The following CD226 variants were observed in gnomAD, a reference collection of about 807,000 sequenced individuals.
CD226 encodes the protein CD226 antigen.
In CD226, 24 loss-of-function variants were observed where a neutral mutation model predicts 34.9. That is an observed-to-expected ratio of 0.69 (90% CI 0.50 to 0.97). The LOEUF is 0.97. Ranked by LOEUF, CD226 falls within the 50% of genes least tolerant of loss-of-function variation. The probability of loss-of-function intolerance (pLI) is 0.00; values close to 1 mark genes in which losing one functional copy is unlikely to be tolerated. For synonymous variants in CD226, 148 were observed against 147.4 expected (o/e 1.00, Z -0.03); for missense variants, 397 against 412.7 (o/e 0.96, Z 0.33).
chr18:69,866,282 T>A (rs1042127436), intron 5 of CD226, among the ~76,000 whole-genome samples: 1 of 152,174 alleles, frequency 6.6e-6, no homozygotes. Context: ...CCATAGCAAC[T>A]TTTTTTGTGA....
At chr18:69,959,133 A>G (rs2055917945), upstream of CD226, among the ~76,000 whole-genome samples, 2 of 152,210 alleles carry the variant, frequency 1.3e-5, no homozygotes, top group Admixed American at 6.5e-5. Flanking sequence ...CTCAGCAAAC[A>G]GGGGAAATGT....
intron 2 of CD226, among the ~76,000 whole-genome samples, chr18:69,903,916 C>G (rs953216585): frequency 1.3e-5 from 2 of 152,136 alleles, no homozygotes; most frequent in Non-Finnish European, 2.9e-5. Context: ...TAAGGACCAT[C>G]AGGACGACAT....
At chr18:69,912,367 A>G (rs1334182304) in intron 2 of CD226, among the ~76,000 whole-genome samples, 1 of 152,214 alleles carries the variant, frequency 6.6e-6, no homozygotes. Context: ...AACCCAGGAG[A>G]CATCAAAATC....
At chr18:69,908,918 C>T (rs904547659) in intron 2 of CD226, among the ~76,000 whole-genome samples, 2 of 152,228 alleles carry the variant, frequency 1.3e-5, no homozygotes, top group Admixed American at 1.3e-4. Flanking sequence ...TCCAAGAACA[C>T]TGCTATTTAT....
In CD226 at chr18:69,857,411, T is replaced by G. The variant is rs951938384; in HGVS notation, c.*6903A>C. On this transcript the variant is annotated 3_prime_UTR_variant, in exon 6 of 6. Transcript: ENST00000582621. ...CAAAGCTGTTACTCAGAAAACTTAGTATCACTGAGAGTATATTGGAGAGCT... is the reference window on the plus strand; with the variant it reads ...CAAAGCTGTTACTCAGAAAACTTAGGATCACTGAGAGTATATTGGAGAGCT... 6.6e-5 allele frequency: 10 copies of G among 152,224 alleles called. No individual in the cohort carries two copies. Among genetic ancestry groups the G allele is most frequent in the Admixed American group, 1.3e-4 (2 of 15,284 alleles). The allele number at this position is 152,224 out of a possible 1,614,324, so 9.4% of individuals were successfully genotyped here. A position where few individuals can be genotyped will look rare whatever the true frequency, so the allele number is the denominator to read the frequency against.
chr18:69,913,297 G>A (rs1260460759), intron 2 of CD226, among the ~76,000 whole-genome samples: 1 of 152,120 alleles, frequency 6.6e-6, no homozygotes, highest in African/African-American at 2.4e-5. Context: ...GATCGCCAGA[G>A]CTCTGAAAAC....
At chr18:69,950,065 C>T (rs1366797462), upstream of CD226, among the ~76,000 whole-genome samples, 2 of 151,994 alleles carry the variant, frequency 1.3e-5, no homozygotes, top group African/African-American at 4.8e-5. Flanking sequence ...TATACATGCA[C>T]TCACACACAT....
rs2145169992 is a variant in CD226 at position 69,863,873 on chromosome 18, A to G, written c.*441T>C. ...GAAGCAAACTCTCTACCAGACAGAA[A>G]CAAGGATGTATGAATTGCCAAGAGT... is the stretch of plus-strand genomic sequence containing the variant. On this transcript the variant is annotated 3_prime_UTR_variant, in exon 6 of 6. Transcript: ENST00000582621. 2.0e-5 allele frequency: 3 copies of G among 153,658 alleles called. No individual in the cohort carries two copies. In the South Asian group the frequency reaches 6.2e-4, roughly 32 times the overall value. 9.5% of individuals were successfully genotyped at this position (153,658 alleles called of 1,614,324 possible).
At chr18:69,869,887 GC>G (rs1720335769) in intron 4 of CD226, among the ~76,000 whole-genome samples, 1 of 141,462 alleles carries the variant, frequency 7.1e-6, no homozygotes, top group Middle Eastern at 3.7e-3. Context: ...TGCAACCTCC[GC>G]CTCCCGGGTT....
chr18:69,906,266 C>T (rs1024498426), intron 2 of CD226, among the ~76,000 whole-genome samples: 9 of 152,096 alleles, frequency 5.9e-5, no homozygotes, highest in African/African-American at 1.9e-4. Context: ...CATATTTTGA[C>T]TTCCATTGAA....
At chr18:69,902,666 T>A (rs1400671221) in intron 2 of CD226, among the ~76,000 whole-genome samples, 2 of 151,766 alleles carry the variant, frequency 1.3e-5, no homozygotes, top group African/African-American at 4.8e-5. Flanking sequence ...AACCATCTCT[T>A]AGGTGCAGAT....
chr18:69,912,505 A>G (rs372796068), intron 2 of CD226, among the ~76,000 whole-genome samples: 2 of 152,174 alleles, frequency 1.3e-5, no homozygotes, highest in South Asian at 4.1e-4. Flanking sequence ...AGCTCTGTAC[A>G]TTTTGAGATT....
upstream of CD226, among the ~76,000 whole-genome samples, chr18:69,949,958 A>G (rs1024411573): frequency 6.6e-6 from 1 of 151,766 alleles, no homozygotes; most frequent in Non-Finnish European, 1.5e-5. Context: ...GCACTTACAC[A>G]TGCTCTCACA....
intron 2 of CD226, among the ~76,000 whole-genome samples, chr18:69,899,630 C>T (rs556574636): frequency 2.6e-5 from 4 of 152,294 alleles, no homozygotes; most frequent in African/African-American, 9.6e-5. Context: ...CACAAACAGA[C>T]ACTTCTCAAA....
rs768831282 is a variant in CD226, at chr18:69,895,957, C to G, written c.471G>C (p.Thr157=). ...NVTLTCQPQM[T]WPVQAVRWEK... is the part of the protein sequence containing the mutation. ...CCCACCTCACTGCCTGCACAGGCCA[C>G]GTCATCTGAGGCTGACAAGTGAGTG... Residue 157 remains threonine (T), a synonymous_variant, in exon 3 of 6, where the codon ACG becomes ACC. Transcript: ENST00000582621. 3 of 1,613,970 alleles carry G rather than the reference C, an allele frequency of 1.9e-6. No individual in the cohort carries two copies. Among genetic ancestry groups the G allele is most frequent in the African/African-American group, 1.3e-5 (1 of 75,052 alleles).
At chr18:69,930,486 C>T (rs945100177) in intron 2 of CD226, among the ~76,000 whole-genome samples, 5 of 151,162 alleles carry the variant, frequency 3.3e-5, no homozygotes, top group Non-Finnish European at 7.4e-5. Context: ...GACATAGGGA[C>T]GTGGAAGCCA....
At chr18:69,913,594 G>A (rs574642221) in intron 2 of CD226, among the ~76,000 whole-genome samples, 3 of 152,278 alleles carry the variant, frequency 2.0e-5, no homozygotes, top group South Asian at 2.1e-4. Flanking sequence ...CTCAGTAAAC[G>A]TATGCCATAC....
chr18:69,888,619 A>C (rs1254089899), intron 3 of CD226, among the ~76,000 whole-genome samples: 1 of 152,090 alleles, frequency 6.6e-6, no homozygotes, highest in East Asian at 1.9e-4. Context: ...CTTGTAGTCT[A>C]AGTTCCCAGG....
intron 3 of CD226, among the ~76,000 whole-genome samples, chr18:69,880,534 T>A (rs1471850459): frequency 6.6e-6 from 1 of 151,254 alleles, no homozygotes; most frequent in Non-Finnish European, 1.5e-5. Context: ...GTCTTAGAAG[T>A]AGAAAGTAGA....
Sources: gnomAD v4.1 joint callset for allele counts (sites outside exome capture counted in the v4.1 genomes callset) on GRCh38, gnomAD v4.1.1 for gene constraint, MANE v1.5 for transcripts, NCBI Gene and HGNC (gene_info 2026-07-23, HGNC 2026-07-21) for gene names.